The following FMN1 variants were observed in gnomAD, a reference collection of about 807,000 sequenced individuals.
FMN1 encodes the protein formin-1.
Under a neutral mutation model 132.4 loss-of-function variants are expected in FMN1, and 110 were observed. The observed-to-expected ratio is 0.83, with a 90% CI of 0.71 to 0.97. FMN1 has a LOEUF of 0.97. Ranked by LOEUF, FMN1 falls within the 50% of genes least tolerant of loss-of-function variation. The pLI is 0.00. For missense variants in FMN1, 1,792 were observed against 1,705.3 expected (o/e 1.05, Z -0.90); for synonymous variants, 722 against 651.7 (o/e 1.11, Z -1.64).
chr15:32,804,557 A>AC (rs2057604171), intron 17 of FMN1, among the ~76,000 whole-genome samples: 1 of 148,814 alleles, frequency 6.7e-6, no homozygotes, highest in Non-Finnish European at 1.5e-5. Flanking sequence ...GTACATGTGC[A>AC]CTACGTGCAG....
intron 9 of FMN1, among the ~76,000 whole-genome samples, chr15:32,937,846 A>G (rs911074969): frequency 1.6e-4 from 24 of 152,256 alleles, no homozygotes; most frequent in African/African-American, 5.8e-4. Flanking sequence ...AGAAACATAT[A>G]TTTTAAAAGA....
chr15:32,822,298 G>A (rs546574755), intron 17 of FMN1, among the ~76,000 whole-genome samples: 3 of 152,268 alleles, frequency 2.0e-5, no homozygotes, highest in South Asian at 2.1e-4. Flanking sequence ...GCAGTGAGCC[G>A]AGATTGCAGC....
intron 19 of FMN1, among the ~76,000 whole-genome samples, chr15:32,780,096 A>T (rs866037708): frequency 6.6e-6 from 1 of 152,184 alleles, no homozygotes; most frequent in South Asian, 2.1e-4. Flanking sequence ...AAAACATGAC[A>T]GTAATAGTGC....
At chr15:33,169,740 C>CTTTTTTTTTTTTTTTTTTTTTTTTAT (rs57083437) in intron 3 of FMN1, among the ~76,000 whole-genome samples, 1 of 117,910 alleles carries the variant, frequency 8.5e-6, no homozygotes, top group Non-Finnish European at 1.8e-5. Context: ...TTTTCTTTTC[C>CTTTTTTTTTTTTTTTTTTTTTTTTAT]TTTTTTTTTT....
At chr15:33,026,692 A>C (rs1166368744) in intron 6 of FMN1, among the ~76,000 whole-genome samples, 1 of 152,132 alleles carries the variant, frequency 6.6e-6, no homozygotes, top group Non-Finnish European at 1.5e-5. Flanking sequence ...CTTTTATTTA[A>C]AGCTGACAAA....
intron 6 of FMN1, among the ~76,000 whole-genome samples, chr15:33,050,451 C>T (rs1249579822): frequency 6.6e-6 from 1 of 151,890 alleles, no homozygotes; most frequent in African/African-American, 2.4e-5. Flanking sequence ...GACTAAGAAC[C>T]TCATTTTCAA....
chr15:33,167,836 G>A (rs950358516), intron 3 of FMN1, among the ~76,000 whole-genome samples: 1 of 152,164 alleles, frequency 6.6e-6, no homozygotes, highest in African/African-American at 2.4e-5. Flanking sequence ...AATCCTAAAG[G>A]TCTTTATCCT....
At chr15:33,068,076 T>G (rs2037830928) in intron 5 of FMN1, 1 of 1,397,992 alleles carries the variant, frequency 7.2e-7, no homozygotes, top group African/African-American at 1.5e-5. Context: ...TGTGCGATGA[T>G]GTGTTCCAGG....
chr15:32,995,457 T>A (rs2033708988), intron 7 of FMN1, among the ~76,000 whole-genome samples: 1 of 152,204 alleles, frequency 6.6e-6, no homozygotes, highest in Non-Finnish European at 1.5e-5. Context: ...ATGGTATAAA[T>A]TCTGTTTTCC....
Position 32,809,921 on chromosome 15 carries a change from A to AT in FMN1, c.3929-5590dup, listed in dbSNP as rs113281907. The stretch of plus-strand genomic sequence containing the variant: ...TTACCTAGCAGGTACTCAAATACTT[A>AT]TTTTTTTTTTTCTTTTGAGACAGGG... On this transcript the variant is annotated intron_variant, in intron 17 of 20. Transcript: ENST00000616417. 7.7e-3 allele frequency among the ~76,000 whole-genome samples: 1,131 copies of AT among 146,876 alleles called. 3 individuals are homozygous for AT. Among genetic ancestry groups the AT allele is most frequent in the Middle Eastern group, 0.011 (3 of 282 alleles).
At chr15:32,778,127 T>C (rs1403711028) in intron 19 of FMN1, among the ~76,000 whole-genome samples, 3 of 58,500 alleles carry the variant, frequency 5.1e-5, no homozygotes, top group African/African-American at 1.7e-4. Flanking sequence ...ATACATTTAT[T>C]ATATATTATG....
chr15:33,109,935 G>GT (rs1376624206), intron 4 of FMN1, among the ~76,000 whole-genome samples: 1 of 151,984 alleles, frequency 6.6e-6, no homozygotes, highest in Non-Finnish European at 1.5e-5. Flanking sequence ...GCCCATGGAT[G>GT]TTTAAGTTAG....
At chr15:33,013,088 C>T (rs2034824625) in intron 6 of FMN1, 3 of 414,180 alleles carry the variant, frequency 7.2e-6, no homozygotes, top group Non-Finnish European at 1.4e-5. Context: ...GGAAACAAAG[C>T]TTAGTAGGAG....
chr15:32,914,941 C>T (rs1356227999), intron 10 of FMN1, among the ~76,000 whole-genome samples: 1 of 152,218 alleles, frequency 6.6e-6, no homozygotes, highest in Non-Finnish European at 1.5e-5. Context: ...AGTAGATAAA[C>T]AGATGAACTT....
chr15:32,827,909 T>C (rs952874850), intron 17 of FMN1, among the ~76,000 whole-genome samples: 3 of 151,440 alleles, frequency 2.0e-5, no homozygotes, highest in Non-Finnish European at 4.4e-5. Context: ...CAGAATGATG[T>C]GACTAACTTA....
Position 32,776,935 on chromosome 15 carries a change from G to A in FMN1, c.4131-16C>T. 1.4e-6 allele frequency: 2 copies of A among 1,454,062 alleles called. No homozygotes were observed. The highest frequency in any genetic ancestry group is 1.2e-5 in the South Asian group (1 of 83,240). 90.1% of individuals were successfully genotyped at this position (1,454,062 alleles called of 1,614,324 possible). ...CATTTTCAATCTGAAATAGAAATAG[G>A]GAAAAGACAGGGGAGAGAGGGAAAA... On this transcript the variant is annotated splice_polypyrimidine_tract_variant and intron_variant, in intron 19 of 20. Transcript: ENST00000616417.
chr15:32,899,284 A>G (rs1299747725), intron 14 of FMN1, among the ~76,000 whole-genome samples: 3 of 152,150 alleles, frequency 2.0e-5, no homozygotes. Context: ...TGCGTTCTTA[A>G]TGGTGTGAAA....
intron 17 of FMN1, among the ~76,000 whole-genome samples, chr15:32,823,700 G>C (rs1410214326): frequency 2.6e-5 from 4 of 152,158 alleles, no homozygotes; most frequent in African/African-American, 9.7e-5. Flanking sequence ...TCATAAATAA[G>C]GACATGGTGG....
At chr15:32,903,591 C>T (rs2060348717) in intron 12 of FMN1, among the ~76,000 whole-genome samples, 1 of 152,208 alleles carries the variant, frequency 6.6e-6, no homozygotes, top group Non-Finnish European at 1.5e-5. Context: ...AGCATGTACA[C>T]TTCCTATCAC....
Sources: allele counts gnomAD v4.1 joint callset (sites outside exome capture counted in the v4.1 genomes callset), GRCh38; gene constraint gnomAD v4.1.1; transcripts MANE v1.5; gene names NCBI Gene and HGNC (gene_info 2026-07-23, HGNC 2026-07-21).